Variants in KIF1B observed in about 807,000 individuals in gnomAD.
KIF1B encodes kinesin family member 1B.
In KIF1B, 76 loss-of-function variants were observed where a neutral mutation model predicts 241.9. The ratio of observed to expected loss-of-function variants is 0.31; its 90% CI spans 0.26 to 0.38. The LOEUF (loss-of-function observed/expected upper bound fraction) is 0.38. KIF1B is among the 10% of genes least tolerant of loss of function. KIF1B has a pLI of 1.00. For missense variants in KIF1B, 1,622 were observed against 2,271.4 expected (o/e 0.71, Z 5.81); for synonymous variants, 750 against 796.7 (o/e 0.94, Z 0.99).
At chr1:10,334,493 C>A in intron 27 of KIF1B, 27 bp from the exon 28 acceptor site, 1 of 1,511,226 alleles carries the variant, frequency 6.6e-7, no homozygotes, top group Non-Finnish European at 9.2e-7. Context: ...GATGTTCTGA[C>A]ATTTGTCTCC....
intron 32 of KIF1B, 80 bp from the exon 33 acceptor site, chr1:10,341,970 C>G: frequency 2.1e-6 from 2 of 957,552 alleles, no homozygotes; most frequent in South Asian, 1.4e-5. Flanking sequence ...AAAAAAAAAC[C>G]CAAAATACGT....
chr1:10,333,560 C>T (rs557937593), intron 27 of KIF1B, among the ~76,000 whole-genome samples: 9 of 151,724 alleles, frequency 5.9e-5, no homozygotes, highest in East Asian at 5.9e-4. Context: ...GGCATGGTGG[C>T]GGGCGCCGAT....
intron 2 of KIF1B, among the ~76,000 whole-genome samples, chr1:10,252,385 T>TG (rs1393649062): frequency 9.7e-5 from 14 of 144,120 alleles, no homozygotes; most frequent in African/African-American, 3.4e-4. Flanking sequence ...TTTGTGGGGT[T>TG]TTTGTTGTTG....
chr1:10,307,181 C>T, intron 22 of KIF1B: 1 of 1,030,658 alleles, frequency 9.7e-7, no homozygotes, highest in Non-Finnish European at 1.2e-6. Context: ...TGATGCATTT[C>T]TGAGCAAATG....
At chr1:10,320,001 T>G in intron 22 of KIF1B, 42 bp from the exon 23 acceptor site, 6 of 1,333,778 alleles carry the variant, frequency 4.5e-6, no homozygotes, top group Non-Finnish European at 6.5e-6. Context: ...GCCCTCTTAT[T>G]TCTTCCCTCT....
At chr1:10,215,166 A>ATTTTTTT (rs1646749743) in intron 1 of KIF1B, among the ~76,000 whole-genome samples, 1 of 57,630 alleles carries the variant, frequency 1.7e-5, no homozygotes, top group African/African-American at 9.1e-5. Context: ...ATATATATAT[A>ATTTTTTT]TATATATTTT....
At chr1:10,272,368 T>C in intron 9 of KIF1B, 62 bp downstream of exon 9, 1 of 1,036,282 alleles carries the variant, frequency 9.6e-7, no homozygotes, top group South Asian at 1.3e-5. Flanking sequence ...CTTGATGATA[T>C]TTTATTATTG....
At chr1:10,270,347 G>A (rs1316010516) in intron 7 of KIF1B, among the ~76,000 whole-genome samples, 2 of 152,092 alleles carry the variant, frequency 1.3e-5, no homozygotes, top group Non-Finnish European at 2.9e-5. Flanking sequence ...AGTATGTACT[G>A]TTTTTTGTCT....
intron 19 of KIF1B, 33 bp downstream of exon 19, chr1:10,295,799 C>T (rs1650234840): frequency 6.6e-7 from 1 of 1,510,990 alleles, no homozygotes; most frequent in Non-Finnish European, 9.2e-7. Flanking sequence ...TCAGCAACAA[C>T]ATTTTCATTT....
chr1:10,228,149 C>T (rs1342881048), intron 1 of KIF1B, among the ~76,000 whole-genome samples: 1 of 151,876 alleles, frequency 6.6e-6, no homozygotes, highest in Non-Finnish European at 1.5e-5. Flanking sequence ...CATGCCACTG[C>T]ACTCCAGCCT....
At chr1:10,353,375 C>G (rs1652867309) in intron 38 of KIF1B, among the ~76,000 whole-genome samples, 1 of 152,282 alleles carries the variant, frequency 6.6e-6, no homozygotes, top group African/African-American at 2.4e-5. Flanking sequence ...TGATAACAGA[C>G]AGTTCGTAAA....
chr1:10,284,744 C>T (rs1254375257), intron 15 of KIF1B, among the ~76,000 whole-genome samples: 2 of 151,612 alleles, frequency 1.3e-5, no homozygotes, highest in Non-Finnish European at 2.9e-5. Context: ...CATCTATAGT[C>T]CCAGCCACTC....
intron 2 of KIF1B, among the ~76,000 whole-genome samples, chr1:10,242,119 T>C (rs978416486): frequency 6.6e-6 from 1 of 152,136 alleles, no homozygotes; most frequent in Non-Finnish European, 1.5e-5. Context: ...AGAGCACCTA[T>C]AGGAAATTAG....
At chr1:10,306,668 G>A (rs894639524) in intron 22 of KIF1B, 8 of 751,778 alleles carry the variant, frequency 1.1e-5, no homozygotes, top group Admixed American at 6.4e-5. Context: ...AATGGAGCAG[G>A]CCAAAACTCC....
At chr1:10,288,046 C>G (rs1446635670) in intron 15 of KIF1B, among the ~76,000 whole-genome samples, 1 of 151,898 alleles carries the variant, frequency 6.6e-6, no homozygotes, top group Admixed American at 6.6e-5. Context: ...TTTAATAGAC[C>G]TTAAAATTAT....
intron 6 of KIF1B, 146 bp downstream of exon 6, chr1:10,267,704 T>G: frequency 1.4e-6 from 1 of 734,310 alleles, no homozygotes; most frequent in Non-Finnish European, 2.4e-6. Flanking sequence ...GCTGTAACAG[T>G]GAGGGCTTCA....
chr1:10,267,368 AT>A lies in KIF1B; in HGVS notation c.430-9del, dbSNP rs771477893. ...TTTTTCACTCTAATTCACTTTACTA[AT>A]TTGTTCATAGGTGAGCTACATGGAA... On this transcript the variant is annotated splice_polypyrimidine_tract_variant and intron_variant, in intron 5 of 48. Transcript: ENST00000676179. The A allele has an allele frequency of 8.9e-5, 143 of 1,613,246 alleles. No homozygotes were observed. In the Middle Eastern group the frequency reaches 9.9e-4, roughly 11 times the overall value.
intron 5 of KIF1B, among the ~76,000 whole-genome samples, chr1:10,266,177 G>T (rs1263465565): frequency 6.6e-6 from 1 of 152,162 alleles, no homozygotes; most frequent in Non-Finnish European, 1.5e-5. Context: ...AAGCTCATTT[G>T]ACTGATGTTA....
At chr1:10,236,444 G>A (rs1647053825) in intron 2 of KIF1B, among the ~76,000 whole-genome samples, 1 of 152,168 alleles carries the variant, frequency 6.6e-6, no homozygotes, top group Admixed American at 6.6e-5. Flanking sequence ...TACAATTTCG[G>A]CAGGAGTAAT....
Sources: gnomAD v4.1 joint callset for allele counts (sites outside exome capture counted in the v4.1 genomes callset) on GRCh38, gnomAD v4.1.1 for gene constraint, MANE v1.5 for transcripts, NCBI Gene and HGNC (gene_info 2026-07-23, HGNC 2026-07-21) for gene names.